Variants in LRP1B observed in about 807,000 individuals in gnomAD.
The protein encoded by LRP1B is LDL receptor related protein 1B, also known as low-density lipoprotein receptor-related protein 1B.
A neutral mutation model predicts 556.6 loss-of-function variants in LRP1B; 217 were observed. That is an observed-to-expected ratio of 0.39 (90% CI 0.35 to 0.44). The LOEUF is 0.44. Ranked by LOEUF, LRP1B falls within the 20% of genes least tolerant of loss-of-function variation. The probability of loss-of-function intolerance (pLI) is 1.00; values close to 1 mark genes in which losing one functional copy is unlikely to be tolerated. For missense variants in LRP1B, 5,053 were observed against 5,620.8 expected (o/e 0.90, Z 3.23); for synonymous variants, 2,047 against 1,865.8 (o/e 1.10, Z -2.50).
intron 1 of LRP1B, among the ~76,000 whole-genome samples, chr2:142,115,208 T>C (rs1274169828): frequency 1.3e-5 from 2 of 151,148 alleles, no homozygotes; most frequent in African/African-American, 4.9e-5. Context: ...TCCTATGAAA[T>C]GCTTTAGAGA....
At chr2:141,342,399 T>C (rs995911211) in intron 3 of LRP1B, among the ~76,000 whole-genome samples, 1 of 152,034 alleles carries the variant, frequency 6.6e-6, no homozygotes, top group Non-Finnish European at 1.5e-5. Flanking sequence ...TCAGAATCAG[T>C]GTCAATACAT....
chr2:141,228,306 T>C (rs971747970), intron 6 of LRP1B, among the ~76,000 whole-genome samples: 1 of 152,202 alleles, frequency 6.6e-6, no homozygotes, highest in Admixed American at 6.5e-5. Flanking sequence ...ATCATTCTTA[T>C]GGTTTCCCCA....
rs369725924 is a variant in LRP1B, at chr2:141,324,308, A to G, written c.344-69667T>C. Among the ~76,000 whole-genome samples, 12 of 152,310 alleles carry G rather than the reference A, an allele frequency of 7.9e-5. No homozygotes were observed. The East Asian group carries it at 2.1e-3, about 27-fold the overall frequency. ...TACTCTTTCCTTTATATAATGAATT[A>G]TAAGGAAAAGAAAATAAGAAAGAGC... is the stretch of plus-strand genomic sequence containing the variant. On this transcript the variant is annotated intron_variant, in intron 3 of 90. Transcript: ENST00000389484.
rs149937533 is a variant in LRP1B at position 141,055,192 on chromosome 2, G to A, written c.1476C>T (p.Leu492=). Reference sequence around the variant, plus strand: ...AAGTCCGAGTTTTGTAACTGCTGCTGAGTAGACAGATGTGTGAACAGCCCC... The same window carrying A: ...AAGTCCGAGTTTTGTAACTGCTGCTAAGTAGACAGATGTGTGAACAGCCCC... The part of the protein sequence containing the change: ...MPGGCSHICL[L]SSSYKTRTCR... Residue 492 remains leucine, a synonymous_variant, in exon 10 of 91, where the codon CTC becomes CTT. Transcript: ENST00000389484. The A allele has an allele frequency of 1.9e-6, 3 of 1,612,404 alleles. No homozygotes were observed. Among genetic ancestry groups the A allele is most frequent in the Non-Finnish European group, 2.5e-6 (3 of 1,179,088 alleles).
chr2:140,715,522 A>G (rs533055311), intron 37 of LRP1B, among the ~76,000 whole-genome samples: 1 of 152,266 alleles, frequency 6.6e-6, no homozygotes, highest in Admixed American at 6.5e-5. Flanking sequence ...AACTCAAAAC[A>G]AAACAAAAAA....
At chr2:140,741,092 G>A (rs572672365) in intron 35 of LRP1B, among the ~76,000 whole-genome samples, 2 of 152,274 alleles carry the variant, frequency 1.3e-5, no homozygotes, top group African/African-American at 4.8e-5. Flanking sequence ...GCAGAAACAA[G>A]AAGTTGTATC....
At chr2:140,852,865 A>G (rs751678301) in intron 27 of LRP1B, among the ~76,000 whole-genome samples, 19 of 151,954 alleles carry the variant, frequency 1.3e-4, no homozygotes, top group Non-Finnish European at 1.9e-4. Flanking sequence ...ATTTTAATTT[A>G]TCTAGTATCT....
intron 84 of LRP1B, among the ~76,000 whole-genome samples, chr2:140,285,394 T>TAC (rs1558771479): frequency 6.7e-6 from 1 of 148,728 alleles, no homozygotes; most frequent in Non-Finnish European, 1.5e-5. Context: ...TATATATATA[T>TAC]ACACACAGAG....
intron 84 of LRP1B, among the ~76,000 whole-genome samples, chr2:140,294,846 C>T (rs930903867): frequency 6.6e-6 from 1 of 151,906 alleles, no homozygotes; most frequent in Non-Finnish European, 1.5e-5. Context: ...AAGATGTGAG[C>T]AATACATGAG....
chr2:141,434,071 T>G (rs2104989863), intron 3 of LRP1B, among the ~76,000 whole-genome samples: 1 of 152,052 alleles, frequency 6.6e-6, no homozygotes, highest in East Asian at 1.9e-4. Context: ...CTGAGTGTGG[T>G]TCTCTTTGCA....
intron 31 of LRP1B, among the ~76,000 whole-genome samples, chr2:140,828,558 G>A (rs566534673): frequency 2.4e-4 from 29 of 122,702 alleles, no homozygotes; most frequent in African/African-American, 9.0e-4. Flanking sequence ...GCAGTGAGCC[G>A]AGATCGCGCC....
intron 3 of LRP1B, among the ~76,000 whole-genome samples, chr2:141,370,577 T>C (rs537903816): frequency 6.6e-6 from 1 of 152,176 alleles, no homozygotes; most frequent in Non-Finnish European, 1.5e-5. Context: ...ACTTTACAAA[T>C]ATTTTCTCCC....
chr2:141,262,701 T>G (rs531934351), intron 3 of LRP1B, among the ~76,000 whole-genome samples: 1 of 152,268 alleles, frequency 6.6e-6, no homozygotes, highest in South Asian at 2.1e-4. Flanking sequence ...CTTTGTACCT[T>G]TGTCAAAAAT....
chr2:141,098,814 C>T (rs969513024), intron 7 of LRP1B, among the ~76,000 whole-genome samples: 2 of 152,174 alleles, frequency 1.3e-5, no homozygotes, highest in Admixed American at 6.5e-5. Context: ...TGTGCCACCA[C>T]ACCCAGCTGA....
chr2:140,656,658 G>C (rs1684888677), intron 41 of LRP1B, among the ~76,000 whole-genome samples: 1 of 152,180 alleles, frequency 6.6e-6, no homozygotes, highest in Non-Finnish European at 1.5e-5. Context: ...GCTTGTATTA[G>C]ATGTGCAAGT....
intron 6 of LRP1B, among the ~76,000 whole-genome samples, chr2:141,191,711 G>A (rs1448050626): frequency 1.3e-5 from 2 of 150,654 alleles, no homozygotes; most frequent in Non-Finnish European, 3.0e-5. Context: ...CATTAACCAG[G>A]GCTTTAAAAG....
chr2:141,937,408 T>A (rs12478721), intron 1 of LRP1B, among the ~76,000 whole-genome samples: 30,824 of 149,306 alleles, frequency 0.21, 3,800 homozygotes, highest in East Asian at 0.36. Flanking sequence ...AATAATAAAA[T>A]AAAAAATAAA....
At chr2:141,813,987 A>G (rs1434296273) in intron 1 of LRP1B, among the ~76,000 whole-genome samples, 1 of 152,152 alleles carries the variant, frequency 6.6e-6, no homozygotes, top group African/African-American at 2.4e-5. Flanking sequence ...CACAAGTCTC[A>G]GGAAGACACA....
intron 7 of LRP1B, among the ~76,000 whole-genome samples, chr2:141,077,090 T>C (rs1274388037): frequency 6.6e-6 from 1 of 151,966 alleles, no homozygotes; most frequent in African/African-American, 2.4e-5. Context: ...ACTAAAAATA[T>C]TTTAAAAATT....
Sources: allele counts gnomAD v4.1 joint callset (sites outside exome capture counted in the v4.1 genomes callset), GRCh38; gene constraint gnomAD v4.1.1; transcripts MANE v1.5; gene names NCBI Gene and HGNC (gene_info 2026-07-23, HGNC 2026-07-21).